ATRX: variants seen among roughly 807,000 people sequenced by gnomAD.
ATRX encodes chromatin remodeler ATRX.
ATRX carries 12 observed loss-of-function variants against 172.6 expected under a neutral mutation model. The ratio of observed to expected loss-of-function variants is 0.07; its 90% CI spans 0.04 to 0.11. ATRX has a LOEUF of 0.11. Among genes scored for constraint, ATRX ranks in the 10% least tolerant of loss-of-function variants. The pLI is 1.00. For missense variants in ATRX, 1,368 were observed against 1,767.4 expected (o/e 0.77, Z 4.05); for synonymous variants, 674 against 594.7 (o/e 1.13, Z -1.94).
chrX:77,676,520 G>C (rs2070873161), intron 9 of ATRX, among the ~76,000 whole-genome samples: 2 of 111,625 alleles, frequency 1.8e-5, no homozygotes, highest in African/African-American at 6.5e-5. Flanking sequence ...ATATTTCAGA[G>C]TTCCTTCCCA....
At chrX:77,566,948 T>G (rs1381839263) in intron 28 of ATRX, among the ~76,000 whole-genome samples, 2 of 111,559 alleles carry the variant, frequency 1.8e-5, no homozygotes, top group African/African-American at 6.5e-5. Context: ...GTTAAACACT[T>G]GAGACAGTCA....
chrX:77,586,148 A>AT (rs1167233734), intron 27 of ATRX, among the ~76,000 whole-genome samples: 2 of 112,195 alleles, frequency 1.8e-5, no homozygotes, highest in Admixed American at 9.4e-5. Context: ...GTATAAATGG[A>AT]TTTTTTGTAT....
At chrX:77,643,972 C>T (rs1454231770) in intron 15 of ATRX, among the ~76,000 whole-genome samples, 1 of 110,715 alleles carries the variant, frequency 9.0e-6, no homozygotes, top group Non-Finnish European at 1.9e-5. Flanking sequence ...TGGAGTCTTG[C>T]TCTGTCGCCC....
intron 1 of ATRX, among the ~76,000 whole-genome samples, chrX:77,782,187 C>G (rs1418360969): frequency 8.9e-6 from 1 of 111,924 alleles, no homozygotes; most frequent in Non-Finnish European, 1.9e-5. Context: ...CTCCAAGGGC[C>G]TGGTTTCATG....
chrX:77,550,703 A>C (rs1602495596), intron 30 of ATRX, among the ~76,000 whole-genome samples: 1 of 111,527 alleles, frequency 9.0e-6, no homozygotes, highest in Non-Finnish European at 1.9e-5. Context: ...ACATGACTGT[A>C]TATCTAGAAA....
chrX:77,517,078 A>G (rs2147714005), intron 34 of ATRX, among the ~76,000 whole-genome samples: 1 of 110,774 alleles, frequency 9.0e-6, no homozygotes, highest in South Asian at 3.9e-4. Flanking sequence ...ATACAGCAAA[A>G]GCATTACTAA....
At chrX:77,777,143 C>G (rs1295636901) in intron 1 of ATRX, among the ~76,000 whole-genome samples, 1 of 88,584 alleles carries the variant, frequency 1.1e-5, no homozygotes, top group Admixed American at 1.5e-4. Context: ...CACCTGAGGT[C>G]AGGAGTTCAA....
intron 1 of ATRX, among the ~76,000 whole-genome samples, chrX:77,729,869 A>G (rs370368206): frequency 1.2e-3 from 139 of 111,835 alleles, no homozygotes; most frequent in African/African-American, 3.0e-3. Context: ...CCCGGGAGGC[A>G]GAGGCTGCAG....
chrX:77,757,673 CTTT>C (rs782109182), intron 1 of ATRX, among the ~76,000 whole-genome samples: 1 of 100,462 alleles, frequency 1.0e-5, no homozygotes. Flanking sequence ...AAAGTATTAT[CTTT>C]TTTTTTTTTT....
intron 27 of ATRX, among the ~76,000 whole-genome samples, chrX:77,583,993 C>T (rs1557075485): frequency 9.0e-6 from 1 of 111,607 alleles, no homozygotes; most frequent in Non-Finnish European, 1.9e-5. Context: ...TTTCTATATA[C>T]CAACAGCAAA....
chrX:77,616,196 T>C (rs1452897132), intron 22 of ATRX: 3 of 834,280 alleles, frequency 3.6e-6, no homozygotes, highest in African/African-American at 4.4e-5. Context: ...CCTTCTATTT[T>C]ACTTTTGCCT....
intron 1 of ATRX, among the ~76,000 whole-genome samples, chrX:77,761,600 T>G (rs2075719188): frequency 9.0e-6 from 1 of 111,595 alleles, no homozygotes; most frequent in Non-Finnish European, 1.9e-5. Flanking sequence ...AGTGAAATGA[T>G]TACTATGGTC....
rs782697474 is a variant in ATRX at position 77,700,424 on chromosome X, T to C, written c.134-1795A>G. On this transcript the variant is annotated intron_variant, in intron 2 of 34. Coordinates refer to ENST00000373344, the MANE Select transcript of ATRX (RefSeq NM_000489.6). ...TGATACAGCCACTCAGGAAAACAGT[T>C]CAGCAATTTCTTACAAAACTAAGCA... Among the ~76,000 whole-genome samples the C allele has an allele frequency of 1.8e-3, 199 of 112,046 alleles. 2 individuals carry two copies. Among genetic ancestry groups the C allele is most frequent in the African/African-American group, 5.9e-3 (182 of 30,909 alleles).
chrX:77,626,049 A>AT (rs2067828498), intron 19 of ATRX, among the ~76,000 whole-genome samples: 1 of 30,123 alleles, frequency 3.3e-5, no homozygotes, highest in Non-Finnish European at 6.6e-5. Flanking sequence ...ATATATATAT[A>AT]TATATATATA....
At chrX:77,615,968 G>A in intron 22 of ATRX, 1 of 753,307 alleles carries the variant, frequency 1.3e-6, no homozygotes, top group Non-Finnish European at 1.6e-6. Context: ...CAAAGATTAG[G>A]TTTTGTTGTG....
chrX:77,635,665 T>C (rs1370209108), intron 16 of ATRX, among the ~76,000 whole-genome samples: 2 of 112,831 alleles, frequency 1.8e-5, no homozygotes, highest in Non-Finnish European at 3.7e-5. Context: ...AGGTGAAACC[T>C]ACTTGCTATA....
intron 1 of ATRX, among the ~76,000 whole-genome samples, chrX:77,777,191 TAAAAAAAAAAAAAAAA>T (rs782165810): frequency 9.5e-4 from 20 of 21,038 alleles, no homozygotes; most frequent in East Asian, 5.0e-3. Flanking sequence ...CTGTCTCTAC[TAAAAAAAAAAAAAAAA>T]AAAAAAAAAA....
In ATRX at chrX:77,676,273, C is replaced by T; in HGVS notation, c.3762G>A (p.Val1254=). ...SSGDEALSKS[V]PVTVDDDDDD... Reference sequence around the variant, plus strand: ...CATCATCATCATCCACTGTGACAGGCACTGATTTAGATAAGGCTTCATCTC... The same window carrying T: ...CATCATCATCATCCACTGTGACAGGTACTGATTTAGATAAGGCTTCATCTC... Residue 1254 remains valine (V), a synonymous_variant, in exon 10 of 35, where the codon GTG becomes GTA. Transcript: ENST00000373344. The T allele has an allele frequency of 8.3e-7, 1 of 1,206,983 alleles. No homozygotes were observed. Among genetic ancestry groups the T allele is most frequent in the Non-Finnish European group, 1.1e-6 (1 of 892,365 alleles).
rs566770303 is a variant in ATRX, at chrX:77,720,996, T to C, written c.21-3753A>G. 8.0e-5 allele frequency among the ~76,000 whole-genome samples: 9 copies of C among 111,979 alleles called. No individual in the cohort carries two copies. The South Asian group carries it at 3.4e-3, about 42-fold the overall frequency. On this transcript the variant is annotated intron_variant, in intron 1 of 34. Transcript: ENST00000373344. ...ATCCACCACGATCAAGTCGGCTTCA[T>C]CCCTGTGATACACAGCTGGTTCAAC... is the stretch of plus-strand genomic sequence containing the variant.
Sources: allele counts gnomAD v4.1 joint callset (sites outside exome capture counted in the v4.1 genomes callset), GRCh38; gene constraint gnomAD v4.1.1; transcripts MANE v1.5; gene names NCBI Gene and HGNC (gene_info 2026-07-23, HGNC 2026-07-21).